Variants in AP1S3 observed in about 807,000 individuals in gnomAD.
AP1S3 encodes the protein adaptor related protein complex 1 subunit sigma 3.
Under a neutral mutation model 20.9 loss-of-function variants are expected in AP1S3, and 10 were observed. The ratio of observed to expected loss-of-function variants is 0.48; its 90% CI spans 0.29 to 0.81. The LOEUF (loss-of-function observed/expected upper bound fraction) is 0.81, where lower values mean the gene tolerates loss of function less well. Among genes scored for constraint, AP1S3 ranks in the 30% least tolerant of loss-of-function variants. The pLI is 0.08. For synonymous variants in AP1S3, 41 were observed against 61.5 expected (o/e 0.67, Z 1.56); for missense variants, 154 against 183.8 (o/e 0.84, Z 0.94).
intron 1 of AP1S3, among the ~76,000 whole-genome samples, chr2:223,832,813 T>C (rs1027552184): frequency 6.7e-6 from 1 of 149,764 alleles, no homozygotes; most frequent in Non-Finnish European, 1.5e-5. Flanking sequence ...TTTTCTTTTT[T>C]TTTTTTTTTT....
At chr2:223,766,526 A>G (rs1220743359) in intron 3 of AP1S3, among the ~76,000 whole-genome samples, 1 of 152,246 alleles carries the variant, frequency 6.6e-6, no homozygotes, top group Non-Finnish European at 1.5e-5. Context: ...TGCCAGTTAG[A>G]ATGGCGATCA....
At chr2:223,776,803 C>G (rs901474416) in intron 2 of AP1S3, among the ~76,000 whole-genome samples, 9 of 152,012 alleles carry the variant, frequency 5.9e-5, no homozygotes, top group African/African-American at 2.2e-4. Context: ...GCTTTAAAGC[C>G]AAAAAGATCT....
At chr2:223,810,917 A>G (rs1427016294) in intron 1 of AP1S3, among the ~76,000 whole-genome samples, 8 of 152,134 alleles carry the variant, frequency 5.3e-5, no homozygotes, top group African/African-American at 9.6e-5. Flanking sequence ...TCTTTTTATT[A>G]TGGTTTAAAT....
Position 223,765,212 on chromosome 2 carries a change from C to A in AP1S3, c.429+1G>T. On this transcript the variant is annotated splice_donor_variant, in intron 4 of 4. Transcript: ENST00000396654. LOFTEE classifies it high-confidence loss of function. ...CCCATGGTTTGGGAAACCGTACTGA[C>A]CTCCTGTAACATATCAGAGTCTTCA... 1 of 1,612,922 alleles carries A rather than the reference C, an allele frequency of 6.2e-7. No individual in the cohort carries two copies.
At chr2:223,833,884 T>C (rs1162877280) in intron 1 of AP1S3, among the ~76,000 whole-genome samples, 4 of 51,348 alleles carry the variant, frequency 7.8e-5, no homozygotes, top group Non-Finnish European at 1.6e-4. Context: ...TACACTCTTT[T>C]TATTTATTTA....
chr2:223,755,406 T>TTTATA lies in AP1S3; in HGVS notation c.*3304_*3308dup, dbSNP rs1403905369. Among the ~76,000 whole-genome samples, 4 of 152,194 alleles carry TTTATA rather than the reference T, an allele frequency of 2.6e-5. No homozygotes were observed. Among genetic ancestry groups the TTTATA allele is most frequent in the African/African-American group, 9.7e-5 (4 of 41,444 alleles). On this transcript the variant is annotated 3_prime_UTR_variant, in exon 5 of 5. Transcript: ENST00000396654. ...CATTTACTGTCTTTCTCTTGGTAGT[T>TTTATA]TTATAGTAATTATATAATATAAAGA...
intron 3 of AP1S3, among the ~76,000 whole-genome samples, chr2:223,768,023 GC>G (rs1044304536): frequency 9.2e-5 from 14 of 152,144 alleles, no homozygotes; most frequent in African/African-American, 3.1e-4. Flanking sequence ...TGGCGGTTGT[GC>G]CTGCTCAGGG....
intron 1 of AP1S3, among the ~76,000 whole-genome samples, chr2:223,788,159 CTGG>C (rs1691119838): frequency 6.6e-6 from 1 of 151,742 alleles, no homozygotes; most frequent in Non-Finnish European, 1.5e-5. Context: ...GTTGGCCAGG[CTGG>C]TCCCAAACTC....
chr2:223,776,852 C>T (rs10498154), intron 2 of AP1S3, among the ~76,000 whole-genome samples: 21,486 of 152,090 alleles, frequency 0.14, 2,478 homozygotes, highest in African/African-American at 0.3. Flanking sequence ...CACTCAATTA[C>T]TGTGACTGGG....
Position 223,832,584 on chromosome 2 carries a change from A to G in AP1S3, c.3+4864T>C, listed in dbSNP as rs1042879991. On this transcript the variant is annotated intron_variant, in intron 1 of 4. Transcript: ENST00000396654. ...GCCTAGACCAAGTCTCCGAGGAGGAAAGCACTCATTAGTGTAATAGACCGC... is the reference window on the plus strand; with the variant it reads ...GCCTAGACCAAGTCTCCGAGGAGGAGAGCACTCATTAGTGTAATAGACCGC... 3.9e-5 allele frequency among the ~76,000 whole-genome samples: 6 copies of G among 152,170 alleles called. No homozygotes were observed. The East Asian group carries it at 1.2e-3, about 29-fold the overall frequency.
At chr2:223,820,680 A>C (rs971539535) in intron 1 of AP1S3, among the ~76,000 whole-genome samples, 4 of 151,738 alleles carry the variant, frequency 2.6e-5, no homozygotes, top group Non-Finnish European at 4.4e-5. Context: ...AAAAAAAAAA[A>C]AAAACAAGCC....
intron 1 of AP1S3, among the ~76,000 whole-genome samples, chr2:223,804,461 G>A (rs1691534003): frequency 1.3e-5 from 2 of 152,314 alleles, no homozygotes; most frequent in African/African-American, 4.8e-5. Context: ...CACCTTGGGA[G>A]GCTGAGGTGG....
chr2:223,805,276 T>G (rs1259871613), intron 1 of AP1S3, among the ~76,000 whole-genome samples: 2 of 151,954 alleles, frequency 1.3e-5, no homozygotes, highest in Non-Finnish European at 2.9e-5. Context: ...CCATCTCTAC[T>G]AAAAAAAGAA....
rs533666645 is a variant in AP1S3 at position 223,817,438 on chromosome 2, G to A, written c.3+20010C>T. Among the ~76,000 whole-genome samples, 49 of 151,820 alleles carry A rather than the reference G, an allele frequency of 3.2e-4. 3 individuals carry two copies. The Middle Eastern group carries it at 0.031, about 95-fold the overall frequency. ...AGCCTGACCAACATGGAGAAACCCC[G>A]TCTCTACTAAAAATACAAAATTAGC... is the stretch of plus-strand genomic sequence containing the variant. On this transcript the variant is annotated intron_variant, in intron 1 of 4. Transcript: ENST00000396654.
At chr2:223,819,942 A>G (rs75534654) in intron 1 of AP1S3, among the ~76,000 whole-genome samples, 1 of 149,448 alleles carries the variant, frequency 6.7e-6, no homozygotes, top group Non-Finnish European at 1.5e-5. Context: ...AAAAAAAAAA[A>G]TCTTAATGTA....
chr2:223,824,765 C>T (rs1692080995), intron 1 of AP1S3, among the ~76,000 whole-genome samples: 1 of 151,994 alleles, frequency 6.6e-6, no homozygotes, highest in South Asian at 2.1e-4. Flanking sequence ...CAACTCCTGA[C>T]ATCAAATGAT....
At chr2:223,780,347 A>AGTGTGTGT (rs1347365267) in intron 1 of AP1S3, among the ~76,000 whole-genome samples, 36 of 89,370 alleles carry the variant, frequency 4.0e-4, no homozygotes, top group Non-Finnish European at 6.4e-4. Flanking sequence ...AGAGAGAGAG[A>AGTGTGTGT]GAGAGAGAGA....
At chr2:223,760,663 T>G (rs1347443071) in intron 4 of AP1S3, among the ~76,000 whole-genome samples, 2 of 152,150 alleles carry the variant, frequency 1.3e-5, no homozygotes, top group African/African-American at 4.8e-5. Context: ...TTACACCATT[T>G]ACATGGGAAT....
At chr2:223,781,058 G>A (rs534795004) in intron 1 of AP1S3, among the ~76,000 whole-genome samples, 1 of 142,050 alleles carries the variant, frequency 7.0e-6, no homozygotes, top group Non-Finnish European at 1.5e-5. Context: ...CTGTTCCTGT[G>A]TTAATTCCCT....
Sources: gnomAD v4.1 joint callset for allele counts (sites outside exome capture counted in the v4.1 genomes callset) on GRCh38, gnomAD v4.1.1 for gene constraint, MANE v1.5 for transcripts, NCBI Gene and HGNC (gene_info 2026-07-23, HGNC 2026-07-21) for gene names.